ATXN2L: variants seen among roughly 807,000 people sequenced by gnomAD.
The protein encoded by ATXN2L is ataxin 2 like.
A neutral mutation model predicts 120.7 loss-of-function variants in ATXN2L; 24 were observed. The ratio of observed to expected loss-of-function variants is 0.20; its 90% CI spans 0.14 to 0.28. ATXN2L has a LOEUF of 0.28. Among genes scored for constraint, ATXN2L ranks in the 10% least tolerant of loss-of-function variants. The pLI is 1.00. For missense variants in ATXN2L, 1,312 were observed against 1,432.3 expected (o/e 0.92, Z 1.36); for synonymous variants, 653 against 568.1 (o/e 1.15, Z -2.13).
intron 6 of ATXN2L, among the ~76,000 whole-genome samples, chr16:28,827,224 A>G (rs2052439359): frequency 6.6e-6 from 1 of 151,986 alleles, no homozygotes; most frequent in African/African-American, 2.4e-5. Flanking sequence ...ACTTGAGGCA[A>G]GGATTTCGAG....
At chr16:28,824,130 G>A (rs1337462648) in intron 1 of ATXN2L, 57 of 1,022,274 alleles carry the variant, frequency 5.6e-5, no homozygotes, top group Non-Finnish European at 6.6e-5. Flanking sequence ...GGAGCCTCTG[G>A]CGCGCGCGCC....
intron 15 of ATXN2L, 99 bp from the exon 16 acceptor site, chr16:28,833,966 G>C (rs1343357999): frequency 1.5e-6 from 2 of 1,331,062 alleles, no homozygotes; most frequent in East Asian, 2.3e-5. Flanking sequence ...AATATGTTTG[G>C]TATGCAGCAT....
At chr16:28,823,781 G>A (rs1214655712) in intron 1 of ATXN2L, 3 of 429,840 alleles carry the variant, frequency 7.0e-6, no homozygotes, top group Non-Finnish European at 1.2e-5. Flanking sequence ...TCGGGGCCTA[G>A]TCAGGGCTCG....
chr16:28,825,036 A>G (rs138772619), intron 1 of ATXN2L, among the ~76,000 whole-genome samples: 1 of 150,196 alleles, frequency 6.7e-6, no homozygotes, highest in African/African-American at 2.4e-5. Context: ...ACAGATGGGA[A>G]ATCCCATCTC....
At position 28,834,975 on chromosome 16, in the gene ATXN2L, C is replaced by T. The variant is rs547315581; in HGVS notation, c.2434-83C>T. On this transcript the variant is annotated intron_variant, in intron 18 of 21. Coordinates refer to ENST00000336783, the MANE Select transcript of ATXN2L (RefSeq NM_007245.4). ...TAGGGTGATTGTGAGGAGGCCCAAG[C>T]GGTGCTGTGCACGCAGTGACTGGCA... The T allele has an allele frequency of 1.6e-5, 24 of 1,518,786 alleles. No individual in the cohort carries two copies. The Admixed American group carries it at 3.1e-4, about 19-fold the overall frequency. 94.1% of individuals were successfully genotyped at this position (1,518,786 alleles called of 1,614,324 possible). A position where few individuals can be genotyped will look rare whatever the true frequency, so the allele number is the denominator to read the frequency against.
At position 28,825,383 on chromosome 16, in the gene ATXN2L, A is replaced by G; in HGVS notation, c.317A>G (p.Lys106Arg). Reference sequence around the variant, plus strand: ...TTTTATAGGGGACAGAGCACAGGAAAGGGACCCCCACAGTCACCTGTGAGT... The same window carrying G: ...TTTTATAGGGGACAGAGCACAGGAAGGGGACCCCCACAGTCACCTGTGAGT... ...IGSARGQSTGKGPPQSPVFEG... is the reference protein window; with the variant it reads ...IGSARGQSTGRGPPQSPVFEG... Residue 106 changes from lysine to arginine, a missense_variant, in exon 2 of 22, where the codon AAG (lysine) becomes AGG (arginine). By Grantham distance (26) the Lys-to-Arg change is conservative. Coordinates refer to ENST00000336783, the MANE Select transcript of ATXN2L (RefSeq NM_007245.4). 1.2e-6 allele frequency: 2 copies of G among 1,613,966 alleles called. No individual in the cohort carries two copies. The highest frequency in any genetic ancestry group is 1.1e-5 in the South Asian group (1 of 91,066).
chr16:28,823,576 C>T lies in ATXN2L; in HGVS notation c.299+18C>T. On this transcript the variant is annotated intron_variant, in intron 1 of 21. Coordinates refer to ENST00000336783, the MANE Select transcript of ATXN2L (RefSeq NM_007245.4). The stretch of plus-strand genomic sequence containing the variant: ...AGCGCCAGGTGAGAAGGGTGGGCTC[C>T]GGGCGAGGGAGCCGCGGCCACCCAG... 3.0e-6 allele frequency: 4 copies of T among 1,314,622 alleles called. No homozygotes were observed. Among genetic ancestry groups the T allele is most frequent in the East Asian group, 3.1e-5 (1 of 32,056 alleles). 81.4% of individuals were successfully genotyped at this position (1,314,622 alleles called of 1,614,324 possible). A position where few individuals can be genotyped will look rare whatever the true frequency, so the allele number is the denominator to read the frequency against.
intron 9 of ATXN2L, 35 bp downstream of exon 9, chr16:28,830,825 G>A: frequency 1.3e-6 from 2 of 1,563,972 alleles, no homozygotes; most frequent in Non-Finnish European, 8.6e-7. Context: ...AAGAGGGCAG[G>A]GAAGGGGATG....
Position 28,833,093 on chromosome 16 carries a change from A to C in ATXN2L, c.1694A>C (p.Asp565Ala). ...AGTAGCTCCCCTGAGAACAGCCTGG[A>C]TCCTTTTCCTCCCCGGATCTTAAAG... ...QPSSSPENSLDPFPPRILKEE... is the reference protein window; with the variant it reads ...QPSSSPENSLAPFPPRILKEE... Residue 565 changes from aspartate (D) to alanine (A), a missense_variant, in exon 14 of 22, where the codon GAT becomes GCT. Transcript: ENST00000336783. 6.2e-7 allele frequency: 1 copy of C among 1,614,214 alleles called. No individual in the cohort carries two copies. The highest frequency in any genetic ancestry group is 8.5e-7 in the Non-Finnish European group (1 of 1,180,028).
At position 28,834,054 on chromosome 16, in the gene ATXN2L, T is replaced by C. The variant is rs774112233; in HGVS notation, c.2026-11T>C. ...AATACAAAATAAAATTGTCCTCCCT[T>C]GTTTTTGCAGAATAAATCCACCAGT... On this transcript the variant is annotated splice_polypyrimidine_tract_variant and intron_variant, in intron 15 of 21. Coordinates refer to ENST00000336783, the MANE Select transcript of ATXN2L (RefSeq NM_007245.4). 5.0e-6 allele frequency: 8 copies of C among 1,610,724 alleles called. No homozygotes were observed. Among genetic ancestry groups the C allele is most frequent in the Non-Finnish European group, 5.9e-6 (7 of 1,178,894 alleles).
Position 28,834,601 on chromosome 16 carries a change from G to A in ATXN2L, c.2341G>A (p.Ala781Thr), listed in dbSNP as rs1311601198. ...GGCTGCTGGCCCGCCTCTGGTGGCT[G>A]CCACGCCCTATTCTTCCTACATCCC... is the stretch of plus-strand genomic sequence containing the variant. ...AAAAGPPLVA[A>T]TPYSSYIPYN... The change falls in exon 18 of 22, where the codon GCC becomes ACC. Residue 781 changes from alanine to threonine, a missense_variant. Ala to Thr is a moderately conservative substitution (Grantham distance 58). Transcript: ENST00000336783. 1.2e-6 allele frequency: 2 copies of A among 1,613,598 alleles called. No homozygotes were observed. The highest frequency in any genetic ancestry group is 1.3e-5 in the African/African-American group (1 of 75,036).
At chr16:28,832,985 C>CA (rs1225335864) in intron 13 of ATXN2L, 74 bp from the exon 14 acceptor site, 8 of 1,590,054 alleles carry the variant, frequency 5.0e-6, no homozygotes, top group Non-Finnish European at 6.9e-6. Context: ...GAGATGAGAT[C>CA]AAAAAAGGAT....
At chr16:28,832,149 G>A in intron 10 of ATXN2L, 56 bp from the exon 11 acceptor site, 1 of 1,583,492 alleles carries the variant, frequency 6.3e-7, no homozygotes, top group Non-Finnish European at 8.7e-7. Flanking sequence ...TAAGGCCCTT[G>A]TACTCACTGC....
chr16:28,829,541 C>G, intron 7 of ATXN2L, 49 bp downstream of exon 7: 2 of 1,356,418 alleles, frequency 1.5e-6, no homozygotes, highest in Non-Finnish European at 2.1e-6. Flanking sequence ...TATGGGGTCA[C>G]TAAGTGAAGA....
chr16:28,824,326 C>T (rs990723428), intron 1 of ATXN2L: 1 of 1,200,510 alleles, frequency 8.3e-7, no homozygotes, highest in Non-Finnish European at 1.1e-6. Flanking sequence ...AGTGGCAGCA[C>T]ACGCAGGCGC....
chr16:28,826,031 G>T, intron 4 of ATXN2L, 190 bp downstream of exon 4: 1 of 840,944 alleles, frequency 1.2e-6, no homozygotes, highest in East Asian at 2.7e-5. Flanking sequence ...AAATATTTAA[G>T]TTTAAATTTT....
In ATXN2L at chr16:28,835,339, G is replaced by C. The variant is rs749273222; in HGVS notation, c.2625G>C (p.Pro875=). Residue 875 remains proline (P), a synonymous_variant, in exon 20 of 22, where the codon CCG becomes CCC. Coordinates refer to ENST00000336783, the MANE Select transcript of ATXN2L (RefSeq NM_007245.4). ...ATQLHAHQPQ[P]ATTPTGSQPQ... ...AGCTCCATGCCCACCAGCCGCAGCC[G>C]GCTACCACGCCTACTGGAAGCCAGC... 1 of 1,613,482 alleles carries C rather than the reference G, an allele frequency of 6.2e-7. No individual in the cohort carries two copies.
At position 28,837,093 on chromosome 16, in the gene ATXN2L, T is replaced by C. The variant is rs906258637; in HGVS notation, c.*828T>C. 2.1e-5 allele frequency: 11 copies of C among 529,082 alleles called. No individual in the cohort carries two copies. Among genetic ancestry groups the C allele is most frequent in the Non-Finnish European group, 3.9e-5 (11 of 278,758 alleles). 32.8% of individuals were successfully genotyped at this position (529,082 alleles called of 1,614,324 possible). A position where few individuals can be genotyped will look rare whatever the true frequency, so the allele number is the denominator to read the frequency against. On this transcript the variant is annotated 3_prime_UTR_variant, in exon 22 of 22. Transcript: ENST00000336783. Reference sequence around the variant, plus strand: ...TTTATAACTTCAGACTTGGGCCCCCTGTTCTTTCTTTCCCATTAACTTGAG... The same window carrying C: ...TTTATAACTTCAGACTTGGGCCCCCCGTTCTTTCTTTCCCATTAACTTGAG...
intron 6 of ATXN2L, 37 bp from the exon 7 acceptor site, chr16:28,829,364 C>A: frequency 7.0e-7 from 1 of 1,432,654 alleles, no homozygotes. Context: ...CGTTGCTTTT[C>A]CTGCTGGGTT....
Sources: gnomAD v4.1 joint callset for allele counts (sites outside exome capture counted in the v4.1 genomes callset) on GRCh38, gnomAD v4.1.1 for gene constraint, MANE v1.5 for transcripts, NCBI Gene and HGNC (gene_info 2026-07-23, HGNC 2026-07-21) for gene names.